FAR2: variants seen among roughly 807,000 people sequenced by gnomAD.
FAR2 encodes the protein epididymis secretory protein Li 81.
In FAR2, 19 loss-of-function variants were observed where a neutral mutation model predicts 56.0. The ratio of observed to expected loss-of-function variants is 0.34; its 90% CI spans 0.24 to 0.50. The LOEUF (loss-of-function observed/expected upper bound fraction) is 0.50, where lower values mean the gene tolerates loss of function less well. Among genes scored for constraint, FAR2 ranks in the 20% least tolerant of loss-of-function variants. FAR2 has a pLI of 0.98. For synonymous variants in FAR2, 219 were observed against 218.8 expected (o/e 1.00, Z -0.01); for missense variants, 508 against 642.2 (o/e 0.79, Z 2.26).
intron 10 of FAR2, among the ~76,000 whole-genome samples, chr12:29,328,891 A>G (rs916226384): frequency 2.0e-4 from 30 of 152,090 alleles, no homozygotes; most frequent in African/African-American, 6.0e-4. Flanking sequence ...TTAAAATATA[A>G]TAATAATTAA....
intron 1 of FAR2, among the ~76,000 whole-genome samples, chr12:29,210,288 G>C (rs1251043386): frequency 2.6e-5 from 4 of 152,070 alleles, no homozygotes; most frequent in East Asian, 1.9e-4. Flanking sequence ...TCACAAGCTA[G>C]ACAGTTTATC....
chr12:29,317,006 A>T lies in FAR2; in HGVS notation c.1121A>T (p.Lys374Met). The T allele has an allele frequency of 1.9e-6, 3 of 1,612,258 alleles. No homozygotes were observed. The highest frequency in any genetic ancestry group is 2.5e-6 in the Non-Finnish European group (3 of 1,178,798). ...TGCTATCTGCGGCTCACTGGAAGGA[A>T]GCCCAGGTGAGAAGCTGAGTCAATG... ...YDCYLRLTGR[K>M]PRMTKLMNRL... The change falls in exon 9 of 12, where the codon AAG becomes ATG. Residue 374 changes from lysine (K) to methionine (M), a missense_variant. Lys to Met is a moderately conservative substitution (Grantham distance 95, BLOSUM62 -1). Coordinates refer to ENST00000536681, the MANE Select transcript of FAR2 (RefSeq NM_001271783.2).
intron 1 of FAR2, among the ~76,000 whole-genome samples, chr12:29,224,755 G>A (rs1191662789): frequency 6.6e-6 from 1 of 152,138 alleles, no homozygotes; most frequent in African/African-American, 2.4e-5. Context: ...TGACTTATTA[G>A]ACGTATGTAA....
chr12:29,242,295 G>T (rs1481289527), intron 1 of FAR2, among the ~76,000 whole-genome samples: 1 of 152,140 alleles, frequency 6.6e-6, no homozygotes, highest in Non-Finnish European at 1.5e-5. Context: ...TTTGACCTCT[G>T]AACAGCATTA....
At chr12:29,256,969 G>A (rs11611687) in intron 1 of FAR2, among the ~76,000 whole-genome samples, 20,766 of 152,140 alleles carry the variant, frequency 0.14, 1,540 homozygotes, top group Middle Eastern at 0.28. Flanking sequence ...CTCGACGAGC[G>A]CCACCCCCTG....
intron 1 of FAR2, among the ~76,000 whole-genome samples, chr12:29,265,712 A>G (rs377466786): frequency 1.3e-5 from 2 of 152,184 alleles, no homozygotes; most frequent in African/African-American, 4.8e-5. Context: ...GAAACAAACA[A>G]CAAAGTAAAG....
chr12:29,323,149 G>A (rs1949581283), intron 10 of FAR2, among the ~76,000 whole-genome samples: 1 of 152,234 alleles, frequency 6.6e-6, no homozygotes, highest in African/African-American at 2.4e-5. Context: ...CTCACTCATT[G>A]CTAGCACAGC....
chr12:29,220,623 T>C (rs758457316), intron 1 of FAR2, among the ~76,000 whole-genome samples: 4 of 152,116 alleles, frequency 2.6e-5, no homozygotes, highest in African/African-American at 4.8e-5. Flanking sequence ...TCTCCATTCA[T>C]CAACATTTTC....
chr12:29,236,930 C>T (rs1162314132), intron 1 of FAR2, among the ~76,000 whole-genome samples: 4 of 152,092 alleles, frequency 2.6e-5, no homozygotes, highest in South Asian at 2.1e-4. Flanking sequence ...AGCAAGGTGG[C>T]TTGGTCATTA....
chr12:29,322,046 T>A, intron 10 of FAR2, 122 bp downstream of exon 10: 3 of 1,184,248 alleles, frequency 2.5e-6, no homozygotes, highest in Middle Eastern at 2.1e-4. Context: ...TTTGTTTTGC[T>A]TTGTTTTTCT....
chr12:29,231,832 G>A (rs1445842883), intron 1 of FAR2, among the ~76,000 whole-genome samples: 1 of 152,062 alleles, frequency 6.6e-6, no homozygotes, highest in Non-Finnish European at 1.5e-5. Context: ...AAGTTCTGGG[G>A]ATACAGAAAC....
chr12:29,331,852 C>A (rs1250096099), intron 10 of FAR2: 1 of 152,114 alleles, frequency 6.6e-6, no homozygotes, highest in Non-Finnish European at 1.5e-5. Context: ...TCCAGCTTTT[C>A]CATAACAAAC....
intron 3 of FAR2, among the ~76,000 whole-genome samples, chr12:29,296,468 G>A (rs1304987658): frequency 3.3e-5 from 5 of 152,146 alleles, no homozygotes; most frequent in Admixed American, 6.5e-5. Context: ...CCTGGTATTT[G>A]ATAAACCATG....
At position 29,282,441 on chromosome 12, in the gene FAR2, G is replaced by T. The variant is rs1286563438; in HGVS notation, c.190-10859G>T. 7 of 152,194 alleles carry T rather than the reference G, an allele frequency of 4.6e-5. No homozygotes were observed. In the East Asian group the frequency reaches 1.3e-3, roughly 29 times the overall value. The allele number at this position is 152,194 out of a possible 1,614,324, so 9.4% of individuals were successfully genotyped here. ...AACTTTAACGAGTTTGACACAAACA[G>T]AGTGATTTAATGCAGTTGTAACTTA... is the stretch of plus-strand genomic sequence containing the variant. On this transcript the variant is annotated intron_variant, in intron 2 of 11. Coordinates refer to ENST00000536681, the MANE Select transcript of FAR2 (RefSeq NM_001271783.2).
At chr12:29,164,487 G>T (rs755787731) in intron 1 of FAR2, among the ~76,000 whole-genome samples, 2 of 152,124 alleles carry the variant, frequency 1.3e-5, no homozygotes, top group Non-Finnish European at 2.9e-5. Flanking sequence ...GTACCAGCAG[G>T]CCTAGTTTCC....
intron 1 of FAR2, among the ~76,000 whole-genome samples, chr12:29,156,210 T>C (rs949258690): frequency 1.3e-5 from 2 of 152,178 alleles, no homozygotes; most frequent in African/African-American, 4.8e-5. Context: ...TCAATGATAA[T>C]GTACATTTAA....
chr12:29,320,903 C>T (rs147325469), intron 9 of FAR2, among the ~76,000 whole-genome samples: 1 of 152,236 alleles, frequency 6.6e-6, no homozygotes, highest in East Asian at 1.9e-4. Context: ...TTACACAGCG[C>T]AGGTTTTTTG....
At position 29,307,742 on chromosome 12, in the gene FAR2, G is replaced by C. The variant is rs1314362395; in HGVS notation, c.630G>C (p.Leu210Phe). The C allele has an allele frequency of 6.2e-7, 1 of 1,613,694 alleles. No homozygotes were observed. The highest frequency in any genetic ancestry group is 8.5e-7 in the Non-Finnish European group (1 of 1,179,902). Reference protein sequence around the residue: ...WPNIYTYTKALGEMVVQQESR... With the variant: ...WPNIYTYTKAFGEMVVQQESR... ...ATATTTATACCTACACCAAGGCCTT[G>C]GGAGAAATGGTGGTGCAGCAAGAGA... The change falls in exon 5 of 12, where the codon TTG becomes TTC. Residue 210 changes from leucine to phenylalanine, a missense_variant. Leu to Phe is a conservative substitution (Grantham distance 22). Coordinates refer to ENST00000536681, the MANE Select transcript of FAR2 (RefSeq NM_001271783.2).
At chr12:29,189,547 G>C (rs1950081614) in intron 1 of FAR2, among the ~76,000 whole-genome samples, 1 of 152,212 alleles carries the variant, frequency 6.6e-6, no homozygotes, top group Non-Finnish European at 1.5e-5. Context: ...TGTGCCCTGA[G>C]TGTTCTAATT....
Sources: allele counts gnomAD v4.1 joint callset (sites outside exome capture counted in the v4.1 genomes callset), GRCh38; gene constraint gnomAD v4.1.1; transcripts MANE v1.5; gene names NCBI Gene and HGNC (gene_info 2026-07-23, HGNC 2026-07-21).